The following LPCAT1 variants were observed in gnomAD, a reference collection of about 807,000 sequenced individuals.
LPCAT1 encodes 1-acylglycerol-3-phosphate O-acyltransferase.
LPCAT1 carries 23 observed loss-of-function variants against 60.9 expected under a neutral mutation model. The ratio of observed to expected loss-of-function variants is 0.38; its 90% CI spans 0.27 to 0.53. The LOEUF is 0.53. Ranked by LOEUF, LPCAT1 falls within the 20% of genes least tolerant of loss-of-function variation. LPCAT1 has a pLI of 0.82. For missense variants in LPCAT1, 622 were observed against 723.6 expected (o/e 0.86, Z 1.61); for synonymous variants, 340 against 301.1 (o/e 1.13, Z -1.34).
At chr5:1,505,847 C>T (rs931773029) in intron 1 of LPCAT1, among the ~76,000 whole-genome samples, 1 of 152,240 alleles carries the variant, frequency 6.6e-6, no homozygotes, top group Non-Finnish European at 1.5e-5. Context: ...AACAAGCGAC[C>T]CTCTGCACCA....
intron 5 of LPCAT1, among the ~76,000 whole-genome samples, chr5:1,484,396 T>C (rs1735292878): frequency 6.6e-6 from 1 of 152,274 alleles, no homozygotes; most frequent in Admixed American, 6.5e-5. Flanking sequence ...GAAAGAGTTT[T>C]TTTTTAACTG....
At chr5:1,469,941 T>C (rs555610962) in intron 12 of LPCAT1, among the ~76,000 whole-genome samples, 45 of 152,312 alleles carry the variant, frequency 3.0e-4, no homozygotes, top group African/African-American at 1.1e-3. Flanking sequence ...AGCTGCCAAA[T>C]GTTGAGGTCA....
chr5:1,464,294 C>T (rs58077538), intron 13 of LPCAT1, among the ~76,000 whole-genome samples: 1 of 152,310 alleles, frequency 6.6e-6, no homozygotes, highest in East Asian at 1.9e-4. Flanking sequence ...TTCCTGGCCG[C>T]TGTGCCTGGC....
Position 1,502,164 on chromosome 5 carries a change from C to T in LPCAT1, c.136-561G>A, listed in dbSNP as rs948059126. On this transcript the variant is annotated intron_variant, in intron 1 of 13. Transcript: ENST00000283415. The surrounding 1 kb of genome is among the most constrained non-coding windows in gnomAD (Gnocchi z 5.5). ...CCATGCGAGTGGCTTGGGAAAGACA[C>T]AGTGGAGCTTCCTCCTGCAAATTCA... 5.9e-5 allele frequency among the ~76,000 whole-genome samples: 9 copies of T among 152,196 alleles called. No homozygotes were observed. The highest frequency in any genetic ancestry group is 2.9e-5 in the Non-Finnish European group (2 of 68,020).
intron 1 of LPCAT1, among the ~76,000 whole-genome samples, chr5:1,505,483 G>A (rs1159455760): frequency 6.6e-6 from 1 of 152,274 alleles, no homozygotes; most frequent in Non-Finnish European, 1.5e-5. Flanking sequence ...CAGCTCCGGG[G>A]CTGGGGGAGC....
intron 13 of LPCAT1, 21 bp from the exon 14 acceptor site, chr5:1,463,856 G>T: frequency 6.2e-7 from 1 of 1,612,166 alleles, no homozygotes; most frequent in Non-Finnish European, 8.5e-7. Context: ...AAAGGCACCT[G>T]TGGTTATGGA....
At chr5:1,468,208 C>T (rs2126480522) in intron 12 of LPCAT1, among the ~76,000 whole-genome samples, 1 of 152,306 alleles carries the variant, frequency 6.6e-6, no homozygotes, top group Non-Finnish European at 1.5e-5. Context: ...CCCATCCTCA[C>T]CCTCCACTCT....
chr5:1,488,818 A>G (rs1735463967), intron 4 of LPCAT1, among the ~76,000 whole-genome samples: 1 of 152,196 alleles, frequency 6.6e-6, no homozygotes, highest in Non-Finnish European at 1.5e-5. Context: ...ACTCATTCTC[A>G]TCAGGAAGAA....
intron 12 of LPCAT1, among the ~76,000 whole-genome samples, chr5:1,470,163 T>A (rs1734607317): frequency 6.6e-6 from 1 of 152,254 alleles, no homozygotes; most frequent in African/African-American, 2.4e-5. Context: ...TTGGTAAAGT[T>A]GTGCCTCTGT....
At chr5:1,472,408 C>T (rs1734719674) in intron 11 of LPCAT1, among the ~76,000 whole-genome samples, 1 of 152,060 alleles carries the variant, frequency 6.6e-6, no homozygotes, top group Admixed American at 6.5e-5. Flanking sequence ...CGCCACACCC[C>T]TTGCAAGGCA....
At chr5:1,515,796 CCCA>C (rs1267488339) in intron 1 of LPCAT1, among the ~76,000 whole-genome samples, 1 of 152,146 alleles carries the variant, frequency 6.6e-6, no homozygotes, top group Non-Finnish European at 1.5e-5. Context: ...TGCCTCTGTC[CCCA>C]CAATTCTGGG....
intron 1 of LPCAT1, among the ~76,000 whole-genome samples, chr5:1,512,953 G>A (rs1736401261): frequency 6.6e-6 from 1 of 152,256 alleles, no homozygotes; most frequent in Admixed American, 6.5e-5. Flanking sequence ...CCCGTGTAAA[G>A]ATGGCACGCG....
Position 1,496,830 on chromosome 5 carries a change from C to G in LPCAT1, c.279-1916G>C, listed in dbSNP as rs185503329. On this transcript the variant is annotated intron_variant, in intron 2 of 13. Transcript: ENST00000283415. The surrounding 1 kb of genome is among the most constrained non-coding windows in gnomAD (Gnocchi z 4.7). ...CTCCGCTTGCTGTGGGGTTGGGGAC[C>G]CAGCACCCACTCACCCCAAGGCAAA... 6.6e-6 allele frequency among the ~76,000 whole-genome samples: 1 copy of G among 152,140 alleles called. No homozygotes were observed. Among genetic ancestry groups the G allele is most frequent in the African/African-American group, 2.4e-5 (1 of 41,408 alleles).
chr5:1,482,599 A>G (rs1177310758), intron 6 of LPCAT1, among the ~76,000 whole-genome samples: 3 of 23,328 alleles, frequency 1.3e-4, no homozygotes, highest in African/African-American at 3.3e-4. Context: ...GGGGTGGGGT[A>G]GGGTGGGGCA....
Position 1,483,249 on chromosome 5 carries a change from C to T in LPCAT1, c.726+179G>A, listed in dbSNP as rs538921924. Among the ~76,000 whole-genome samples the T allele has an allele frequency of 1.3e-5, 2 of 152,264 alleles. No homozygotes were observed. Among genetic ancestry groups the T allele is most frequent in the East Asian group, 3.9e-4 (2 of 5,182 alleles). Reference sequence around the variant, plus strand: ...ACTCAGGAACGTGCCGAGCCCAGGGCCCGGGCCTGTCCTGCCCTCTCCAGC... The same window carrying T: ...ACTCAGGAACGTGCCGAGCCCAGGGTCCGGGCCTGTCCTGCCCTCTCCAGC... On this transcript the variant is annotated intron_variant, in intron 6 of 13. Transcript: ENST00000283415. The surrounding 1 kb of genome is among the most constrained non-coding windows in gnomAD (Gnocchi z 9.2).
rs1735097671 is a variant in LPCAT1 at position 1,480,533 on chromosome 5, CAGGG to C, written c.761+405_761+408del. ...ACCTTCGGTGTCTCTGCTGGGGGGA[CAGGG>C]ACACTGACTCACAGCAGGGGCTGGC... On this transcript the variant is annotated intron_variant, in intron 7 of 13. Coordinates refer to ENST00000283415, the MANE Select transcript of LPCAT1 (RefSeq NM_024830.5). The surrounding 1 kb of genome is among the most constrained non-coding windows in gnomAD (Gnocchi z 6.4). 9.8e-6 allele frequency: 2 copies of C among 204,978 alleles called. No homozygotes were observed. Among genetic ancestry groups the C allele is most frequent in the African/African-American group, 2.4e-5 (1 of 42,330 alleles). The allele number at this position is 204,978 out of a possible 1,614,324, so 12.7% of individuals were successfully genotyped here. A position where few individuals can be genotyped will look rare whatever the true frequency, so the allele number is the denominator to read the frequency against.
intron 4 of LPCAT1, among the ~76,000 whole-genome samples, chr5:1,488,958 G>A (rs1032752): frequency 0.26 from 38,923 of 152,176 alleles, 5,543 homozygotes; most frequent in East Asian, 0.43. Context: ...CCTCCACACC[G>A]GGGTTTCAAT....
chr5:1,464,539 A>C (rs1278438313), intron 13 of LPCAT1, among the ~76,000 whole-genome samples: 1 of 152,206 alleles, frequency 6.6e-6, no homozygotes, highest in East Asian at 1.9e-4. Flanking sequence ...TCAAAATGGA[A>C]ACAAGCGCAC....
chr5:1,467,487 G>C (rs1355358807), intron 12 of LPCAT1, among the ~76,000 whole-genome samples: 1 of 152,146 alleles, frequency 6.6e-6, no homozygotes, highest in East Asian at 1.9e-4. Context: ...TCCTGCTCCA[G>C]GTGTGGAAGC....
Sources: gnomAD v4.1 joint callset for allele counts (sites outside exome capture counted in the v4.1 genomes callset) on GRCh38, gnomAD v4.1.1 for gene constraint, Gnocchi (gnomAD v3.1) non-coding constraint, MANE v1.5 for transcripts, NCBI Gene and HGNC (gene_info 2026-07-23, HGNC 2026-07-21) for gene names.